The following APP variants were observed in gnomAD, a reference collection of about 807,000 sequenced individuals.
APP encodes amyloid beta precursor protein.
A neutral mutation model predicts 101.4 loss-of-function variants in APP; 31 were observed. The observed-to-expected ratio is 0.31, with a 90% CI of 0.23 to 0.41. APP has a LOEUF of 0.41. APP is among the 10% of genes least tolerant of loss of function. APP has a pLI of 1.00. For missense variants in APP, 839 were observed against 1,003.7 expected (o/e 0.84, Z 2.22); for synonymous variants, 366 against 364.4 (o/e 1.00, Z -0.05).
rs146232813 is a variant in APP, at chr21:25,883,050, G to A, written c.2212-1279C>T. Among the ~76,000 whole-genome samples the A allele has an allele frequency of 1.1e-3, 173 of 152,302 alleles. 2 individuals carry two copies. The highest frequency in any genetic ancestry group is 3.8e-3 in the African/African-American group (156 of 41,566). On this transcript the variant is annotated intron_variant, in intron 17 of 17. Coordinates refer to ENST00000346798, the MANE Select transcript of APP (RefSeq NM_000484.4). ...TCAGCAGTAAGACATGAGGTCTCGA[G>A]ATGGAGCTAGATATGTCATGACTAG... is the stretch of plus-strand genomic sequence containing the variant.
At chr21:25,913,073 C>A (rs1449221538) in intron 13 of APP, among the ~76,000 whole-genome samples, 1 of 152,134 alleles carries the variant, frequency 6.6e-6, no homozygotes, top group Non-Finnish European at 1.5e-5. Context: ...AGTTTTATTG[C>A]TAGAGAAAAT....
intron 2 of APP, among the ~76,000 whole-genome samples, chr21:26,091,355 T>C (rs2061821747): frequency 6.6e-6 from 1 of 152,108 alleles, no homozygotes; most frequent in South Asian, 2.1e-4. Flanking sequence ...TGGTAATAAG[T>C]AGTACTTGGA....
chr21:25,988,460 G>A (rs2042723480), intron 8 of APP, among the ~76,000 whole-genome samples: 1 of 152,154 alleles, frequency 6.6e-6, no homozygotes. Flanking sequence ...CCAGCACTTT[G>A]GGAGTCTGAG....
At chr21:25,977,181 T>A (rs2042254884) in intron 9 of APP, among the ~76,000 whole-genome samples, 2 of 152,352 alleles carry the variant, frequency 1.3e-5, no homozygotes, top group Admixed American at 1.3e-4. Context: ...AGAAGTTCAC[T>A]CATTAACCTG....
chr21:25,881,654 C>T lies in APP; in HGVS notation c.*16G>A. 1 of 1,611,718 alleles carries T rather than the reference C, an allele frequency of 6.2e-7. No homozygotes were observed. Among genetic ancestry groups the T allele is most frequent in the Non-Finnish European group, 8.5e-7 (1 of 1,177,944 alleles). ...TGGTTTTGCTGTCCAACTTCAGAGGCTGCTGTGGCGGGGGTCTAGTTCTGC... is the reference window on the plus strand; with the variant it reads ...TGGTTTTGCTGTCCAACTTCAGAGGTTGCTGTGGCGGGGGTCTAGTTCTGC... On this transcript the variant is annotated 3_prime_UTR_variant, in exon 18 of 18. Transcript: ENST00000346798.
intron 1 of APP, among the ~76,000 whole-genome samples, chr21:26,165,579 C>A (rs2063588947): frequency 6.6e-6 from 1 of 152,168 alleles, no homozygotes; most frequent in Non-Finnish European, 1.5e-5. Context: ...TAACATCACG[C>A]CTGGCATCAA....
chr21:25,913,131 T>C (rs2039167019), intron 13 of APP, among the ~76,000 whole-genome samples: 1 of 152,212 alleles, frequency 6.6e-6, no homozygotes, highest in Admixed American at 6.5e-5. Context: ...TTTACAATCA[T>C]CTTTCAAATT....
intron 5 of APP, among the ~76,000 whole-genome samples, chr21:26,042,614 C>G (rs935103724): frequency 6.6e-6 from 1 of 152,142 alleles, no homozygotes; most frequent in African/African-American, 2.4e-5. Context: ...CAAGATTTCA[C>G]CCCTTGGTCT....
intron 7 of APP, among the ~76,000 whole-genome samples, chr21:25,998,219 CCCACCGGCTAAA>C (rs1372524654): frequency 6.6e-6 from 1 of 152,134 alleles, no homozygotes; most frequent in Non-Finnish European, 1.5e-5. Context: ...GGAAACCTCT[CCCACCGGCTAAA>C]CCAGTGAGAA....
At chr21:26,064,740 A>C (rs1331562880) in intron 3 of APP, among the ~76,000 whole-genome samples, 4 of 152,234 alleles carry the variant, frequency 2.6e-5, no homozygotes, top group Non-Finnish European at 5.9e-5. Context: ...ATCCCCGGCG[A>C]GGCCCATGTT....
At chr21:26,048,513 G>C (rs969485523) in intron 5 of APP, among the ~76,000 whole-genome samples, 1 of 152,106 alleles carries the variant, frequency 6.6e-6, no homozygotes, top group Non-Finnish European at 1.5e-5. Flanking sequence ...GGCTGGATAA[G>C]CTTTCTACAA....
At chr21:26,067,923 AAAAAAAC>A (rs1166357821) in intron 3 of APP, among the ~76,000 whole-genome samples, 1 of 152,144 alleles carries the variant, frequency 6.6e-6, no homozygotes, top group South Asian at 2.1e-4. Context: ...TATTTAAAAA[AAAAAAAC>A]AAAAAACTCA....
chr21:25,888,928 G>A (rs940526152), intron 17 of APP, among the ~76,000 whole-genome samples: 4 of 152,180 alleles, frequency 2.6e-5, no homozygotes, highest in East Asian at 3.9e-4. Context: ...TCTCAAATCC[G>A]ACTGCACATC....
Position 26,063,727 on chromosome 21 carries a change from CAGA to C in APP, c.356-10382_356-10380del, listed in dbSNP as rs766616559. Among the ~76,000 whole-genome samples, 6 of 152,282 alleles carry C rather than the reference CAGA, an allele frequency of 3.9e-5. No individual in the cohort carries two copies. The South Asian group carries it at 1.0e-3, about 26-fold the overall frequency. ...GGAAAAAAGAGACAAATCTCCTGCG[CAGA>C]AGAATTCCAAATAATTTATGTAGAT... is the stretch of plus-strand genomic sequence containing the variant. On this transcript the variant is annotated intron_variant, in intron 3 of 17. Coordinates refer to ENST00000346798, the MANE Select transcript of APP (RefSeq NM_000484.4).
rs778259958 is a variant in APP, at chr21:25,881,782, AGAG to A, written c.2212-14_2212-12del. ...GACAGCGGCGTCAACCTGAAAAACA[AGAG>A]GAGAGCTGAGTAAAAAATAAAAATC... On this transcript the variant is annotated splice_polypyrimidine_tract_variant and intron_variant, in intron 17 of 17. Transcript: ENST00000346798. The A allele has an allele frequency of 8.1e-6, 13 of 1,609,376 alleles. No individual in the cohort carries two copies. Among genetic ancestry groups the A allele is most frequent in the South Asian group, 5.5e-5 (5 of 90,996 alleles).
At chr21:25,988,416 GA>G (rs1331950252) in intron 8 of APP, among the ~76,000 whole-genome samples, 2 of 152,152 alleles carry the variant, frequency 1.3e-5, no homozygotes, top group Admixed American at 6.5e-5. Flanking sequence ...AAGAGGAAAA[GA>G]CAGGCTGGGT....
intron 17 of APP, among the ~76,000 whole-genome samples, chr21:25,882,073 A>AT (rs1199118588): frequency 2.6e-5 from 4 of 151,882 alleles, no homozygotes; most frequent in African/African-American, 7.3e-5. Flanking sequence ...GTGCAATGGT[A>AT]TTTTTTCCTC....
chr21:25,908,661 TAA>T (rs796932832), intron 14 of APP, among the ~76,000 whole-genome samples: 1 of 147,732 alleles, frequency 6.8e-6, no homozygotes, highest in South Asian at 2.2e-4. Flanking sequence ...GACAGGCTGA[TAA>T]AGTCTCTCTA....
At chr21:25,881,882 G>T in intron 17 of APP, 111 bp from the exon 18 acceptor site, 1 of 1,125,444 alleles carries the variant, frequency 8.9e-7, no homozygotes, top group Non-Finnish European at 1.3e-6. Context: ...TGCCAAGATT[G>T]CAGAACACCC....
Sources: allele counts gnomAD v4.1 joint callset (sites outside exome capture counted in the v4.1 genomes callset), GRCh38; gene constraint gnomAD v4.1.1; transcripts MANE v1.5; gene names NCBI Gene and HGNC (gene_info 2026-07-23, HGNC 2026-07-21).